Variants in SGCZ observed in about 807,000 individuals in gnomAD.
SGCZ encodes zeta-sarcoglycan.
In SGCZ, 40 loss-of-function variants were observed where a neutral mutation model predicts 41.3. The ratio of observed to expected loss-of-function variants is 0.97; its 90% CI spans 0.75 to 1.26. The LOEUF is 1.26. Ranked by LOEUF, SGCZ falls within the 50% of genes most tolerant of loss-of-function variation. SGCZ has a pLI of 0.00. For synonymous variants in SGCZ, 206 were observed against 137.5 expected (o/e 1.50, Z -3.49); for missense variants, 552 against 369.8 (o/e 1.49, Z -4.04).
chr8:14,749,104 A>G (rs1799423347), intron 1 of SGCZ, among the ~76,000 whole-genome samples: 1 of 152,186 alleles, frequency 6.6e-6, no homozygotes, highest in Non-Finnish European at 1.5e-5. Context: ...TCTTCTATTC[A>G]TATTAAGTAA....
chr8:14,665,023 T>A (rs1164307948), intron 1 of SGCZ, among the ~76,000 whole-genome samples: 2 of 152,310 alleles, frequency 1.3e-5, no homozygotes, highest in East Asian at 1.9e-4. Context: ...AACTCTTTTT[T>A]AAAATTATAC....
intron 1 of SGCZ, among the ~76,000 whole-genome samples, chr8:14,895,857 T>TC (rs1388775134): frequency 1.3e-5 from 2 of 152,170 alleles, no homozygotes; most frequent in Non-Finnish European, 2.9e-5. Flanking sequence ...TTCTAATTGA[T>TC]CTATGTAGGG....
Position 15,030,970 on chromosome 8 carries a change from T to C in SGCZ, c.39+206615A>G, listed in dbSNP as rs540786022. 3.3e-5 allele frequency among the ~76,000 whole-genome samples: 5 copies of C among 152,248 alleles called. No individual in the cohort carries two copies. In the East Asian group the frequency reaches 7.7e-4, roughly 24 times the overall value. The stretch of plus-strand genomic sequence containing the variant: ...CCACACCAATTTTTATTTTGGAGAT[T>C]ATATATGTAGACAAGTTTCCTGGAG... On this transcript the variant is annotated intron_variant, in intron 1 of 7. Coordinates refer to ENST00000382080, the MANE Select transcript of SGCZ (RefSeq NM_139167.4).
At chr8:14,834,062 A>T (rs1245446195) in intron 1 of SGCZ, among the ~76,000 whole-genome samples, 1 of 152,206 alleles carries the variant, frequency 6.6e-6, no homozygotes, top group African/African-American at 2.4e-5. Context: ...AGTTACTAAC[A>T]GCATTGCAGT....
chr8:14,619,741 G>C (rs181060441), intron 1 of SGCZ, among the ~76,000 whole-genome samples: 2 of 152,240 alleles, frequency 1.3e-5, no homozygotes, highest in African/African-American at 4.8e-5. Context: ...CAAGGGATTT[G>C]AAGGACCTTT....
chr8:14,513,482 A>C (rs962311421), intron 2 of SGCZ, among the ~76,000 whole-genome samples: 1 of 97,750 alleles, frequency 1.0e-5, no homozygotes, highest in African/African-American at 4.5e-5. Flanking sequence ...AGGTTATTTT[A>C]GACCAATTGA....
chr8:15,046,838 T>C (rs1585508530), intron 1 of SGCZ, among the ~76,000 whole-genome samples: 1 of 152,062 alleles, frequency 6.6e-6, no homozygotes, highest in Non-Finnish European at 1.5e-5. Context: ...CTTTCCCCTT[T>C]ACATATTTGT....
intron 2 of SGCZ, 89 bp downstream of exon 2, chr8:14,554,643 G>T: frequency 4.8e-6 from 5 of 1,045,544 alleles, no homozygotes; most frequent in Non-Finnish European, 4.1e-6. Context: ...ATATTGATAT[G>T]AATAACTTTT....
rs1265695467 is a variant in SGCZ at position 15,180,750 on chromosome 8, G to C, written c.39+56835C>G. Among the ~76,000 whole-genome samples the C allele has an allele frequency of 5.0e-5, 7 of 140,968 alleles. No homozygotes were observed. The East Asian group carries it at 1.4e-3, about 29-fold the overall frequency. 92.5% of individuals were successfully genotyped at this position (140,968 alleles called of 152,430 possible). ...AATACAAACAAAATTAGCCGGGCATGGTGGTGGGCGCCTGTAGCCCCAGCT... is the reference window on the plus strand; with the variant it reads ...AATACAAACAAAATTAGCCGGGCATCGTGGTGGGCGCCTGTAGCCCCAGCT... On this transcript the variant is annotated intron_variant, in intron 1 of 7. Coordinates refer to ENST00000382080, the MANE Select transcript of SGCZ (RefSeq NM_139167.4).
At chr8:14,687,344 C>T (rs927460524) in intron 1 of SGCZ, among the ~76,000 whole-genome samples, 2 of 148,068 alleles carry the variant, frequency 1.4e-5, no homozygotes, top group East Asian at 2.0e-4. Flanking sequence ...TCCCTCCCCC[C>T]TCCCCACACC....
chr8:15,153,710 C>A (rs1449797769), intron 1 of SGCZ, among the ~76,000 whole-genome samples: 1 of 152,062 alleles, frequency 6.6e-6, no homozygotes, highest in African/African-American at 2.4e-5. Flanking sequence ...AAGTGCCTGC[C>A]CCTACCGTGC....
At chr8:15,069,695 T>C (rs1805282677) in intron 1 of SGCZ, among the ~76,000 whole-genome samples, 1 of 152,224 alleles carries the variant, frequency 6.6e-6, no homozygotes, top group African/African-American at 2.4e-5. Context: ...TCTCCATTTA[T>C]TGTGATCATC....
At chr8:14,213,527 G>A (rs1216242244) in intron 4 of SGCZ, among the ~76,000 whole-genome samples, 1 of 151,954 alleles carries the variant, frequency 6.6e-6, no homozygotes, top group African/African-American at 2.4e-5. Flanking sequence ...GTTATCAGTA[G>A]ATCTCGCCTT....
chr8:15,186,079 AAAT>A (rs1800324725), intron 1 of SGCZ, among the ~76,000 whole-genome samples: 2 of 133,698 alleles, frequency 1.5e-5, no homozygotes, highest in Non-Finnish European at 3.3e-5. Flanking sequence ...AAAAATAAAT[AAAT>A]AAAAAATAAA....
At chr8:14,608,706 G>A (rs898266073) in intron 1 of SGCZ, among the ~76,000 whole-genome samples, 1 of 151,988 alleles carries the variant, frequency 6.6e-6, no homozygotes, top group Non-Finnish European at 1.5e-5. Flanking sequence ...TAAATGGCTT[G>A]GTATGGGGGA....
intron 7 of SGCZ, among the ~76,000 whole-genome samples, chr8:14,096,029 T>C (rs372499978): frequency 6.6e-6 from 1 of 152,290 alleles, no homozygotes. Flanking sequence ...TTTCTAAATA[T>C]ACAATCATGT....
intron 1 of SGCZ, among the ~76,000 whole-genome samples, chr8:14,668,824 AAGGTATGC>A (rs1807998122): frequency 6.6e-6 from 1 of 152,150 alleles, no homozygotes; most frequent in Admixed American, 6.6e-5. Flanking sequence ...ACATATATTT[AAGGTATGC>A]AGGTTGAGGA....
At chr8:14,872,531 G>A (rs909337173) in intron 1 of SGCZ, among the ~76,000 whole-genome samples, 1 of 152,030 alleles carries the variant, frequency 6.6e-6, no homozygotes, top group Non-Finnish European at 1.5e-5. Flanking sequence ...GAGCTGAAAA[G>A]TTGGCCTTGG....
At chr8:14,463,798 C>G (rs1367992126) in intron 2 of SGCZ, among the ~76,000 whole-genome samples, 2 of 151,492 alleles carry the variant, frequency 1.3e-5, no homozygotes, top group Non-Finnish European at 3.0e-5. Flanking sequence ...TCCCTCTACT[C>G]TTAGTTTTTT....
Sources: allele counts gnomAD v4.1 joint callset (sites outside exome capture counted in the v4.1 genomes callset), GRCh38; gene constraint gnomAD v4.1.1; transcripts MANE v1.5; gene names NCBI Gene and HGNC (gene_info 2026-07-23, HGNC 2026-07-21).